FAM227B: variants seen among roughly 807,000 people sequenced by gnomAD.
FAM227B encodes the protein protein FAM227B.
Under a neutral mutation model 73.8 loss-of-function variants are expected in FAM227B, and 88 were observed. That is an observed-to-expected ratio of 1.19 (90% CI 1.00 to 1.42). The LOEUF is 1.42. Among genes scored for constraint, FAM227B ranks in the 40% most tolerant of loss-of-function variants. The pLI, the probability that FAM227B is intolerant of heterozygous loss-of-function variation, is 0.00. For missense variants in FAM227B, 632 were observed against 590.9 expected (o/e 1.07, Z -0.72); for synonymous variants, 210 against 190.5 (o/e 1.10, Z -0.84).
chr15:49,454,265 C>T (rs768831974), intron 11 of FAM227B, among the ~76,000 whole-genome samples: 7 of 152,110 alleles, frequency 4.6e-5, no homozygotes, highest in African/African-American at 9.7e-5. Flanking sequence ...CCAGAAGTTT[C>T]ATAGGGGGCA....
chr15:49,542,863 C>T (rs1344192729), intron 9 of FAM227B, among the ~76,000 whole-genome samples: 1 of 151,542 alleles, frequency 6.6e-6, no homozygotes, highest in Non-Finnish European at 1.5e-5. Context: ...ATAAACATTT[C>T]TTTTTGTATA....
At chr15:49,560,360 C>CA (rs896197952) in intron 9 of FAM227B, among the ~76,000 whole-genome samples, 1 of 151,836 alleles carries the variant, frequency 6.6e-6, no homozygotes, top group Non-Finnish European at 1.5e-5. Flanking sequence ...AACAAAGTAT[C>CA]AAAAAAATGG....
intron 11 of FAM227B, among the ~76,000 whole-genome samples, chr15:49,471,705 G>A (rs1274184408): frequency 1.3e-5 from 2 of 151,998 alleles, no homozygotes; most frequent in Non-Finnish European, 2.9e-5. Flanking sequence ...CATGCTTTAT[G>A]TAACAATAAT....
At chr15:49,370,427 G>A (rs2045731546) in intron 12 of FAM227B, among the ~76,000 whole-genome samples, 13 of 152,144 alleles carry the variant, frequency 8.5e-5, no homozygotes, top group Non-Finnish European at 1.5e-5. Flanking sequence ...TGCCCCAAAG[G>A]AAATGGAGTG....
intron 9 of FAM227B, among the ~76,000 whole-genome samples, chr15:49,557,245 CT>C (rs199762504): frequency 0.015 from 2,239 of 151,660 alleles, 22 homozygotes; most frequent in Middle Eastern, 0.037. Context: ...ATATATATGT[CT>C]TTTTTTTTCT....
At chr15:49,567,371 T>C (rs1422104226) in intron 9 of FAM227B, among the ~76,000 whole-genome samples, 1 of 152,106 alleles carries the variant, frequency 6.6e-6, no homozygotes. Flanking sequence ...CTTGCTGAGA[T>C]CACCCAGGTA....
At chr15:49,524,139 C>A (rs570621966) in intron 10 of FAM227B, among the ~76,000 whole-genome samples, 1 of 152,174 alleles carries the variant, frequency 6.6e-6, no homozygotes, top group Non-Finnish European at 1.5e-5. Flanking sequence ...TAATCCCCAA[C>A]AGAATGGGGA....
chr15:49,550,967 A>G (rs972962119), intron 9 of FAM227B, among the ~76,000 whole-genome samples: 120 of 152,286 alleles, frequency 7.9e-4, no homozygotes, highest in African/African-American at 2.7e-3. Context: ...CCGAGATCAC[A>G]CCACTGCACT....
chr15:49,578,149 C>T (rs569946738), intron 5 of FAM227B, among the ~76,000 whole-genome samples: 1 of 152,304 alleles, frequency 6.6e-6, no homozygotes, highest in African/African-American at 2.4e-5. Flanking sequence ...TTGATCAGAG[C>T]TGTCCTGCAT....
chr15:49,425,737 C>T (rs1451701937), intron 11 of FAM227B, among the ~76,000 whole-genome samples: 1 of 151,648 alleles, frequency 6.6e-6, no homozygotes. Flanking sequence ...AATGAGAAGA[C>T]CTTCTTTTTA....
At chr15:49,557,244 T>A (rs2073800632) in intron 9 of FAM227B, among the ~76,000 whole-genome samples, 1 of 152,026 alleles carries the variant, frequency 6.6e-6, no homozygotes. Context: ...AATATATATG[T>A]CTTTTTTTTT....
At chr15:49,612,464 G>T (rs2078004680) in intron 2 of FAM227B, among the ~76,000 whole-genome samples, 1 of 152,018 alleles carries the variant, frequency 6.6e-6, no homozygotes, top group South Asian at 2.1e-4. Flanking sequence ...GTGTATATGT[G>T]AATCATGGCT....
At chr15:49,548,694 A>G (rs1005282836) in intron 9 of FAM227B, among the ~76,000 whole-genome samples, 2 of 152,124 alleles carry the variant, frequency 1.3e-5, no homozygotes, top group Non-Finnish European at 2.9e-5. Context: ...TATGGCTTTG[A>G]TCTCATTACT....
intron 15 of FAM227B, chr15:49,330,703 C>T (rs1016502334): frequency 1.3e-5 from 2 of 150,802 alleles, no homozygotes; most frequent in Non-Finnish European, 2.9e-5. Flanking sequence ...TTAGGTATTT[C>T]TCTGTGCCCA....
intron 9 of FAM227B, among the ~76,000 whole-genome samples, chr15:49,548,119 G>A (rs1260596941): frequency 6.6e-6 from 1 of 152,066 alleles, no homozygotes; most frequent in Non-Finnish European, 1.5e-5. Context: ...AAAACTTTCA[G>A]TTTTTCCCCA....
intron 10 of FAM227B, among the ~76,000 whole-genome samples, chr15:49,509,292 T>C (rs1258336764): frequency 6.6e-6 from 1 of 152,118 alleles, no homozygotes; most frequent in Non-Finnish European, 1.5e-5. Context: ...CTCTAGGAAT[T>C]AACTAACCCT....
intron 11 of FAM227B, among the ~76,000 whole-genome samples, chr15:49,404,983 A>T (rs1338494822): frequency 6.6e-6 from 1 of 152,128 alleles, no homozygotes; most frequent in African/African-American, 2.4e-5. Context: ...CTTGTCTGAA[A>T]AGGATATTAT....
chr15:49,369,250 C>T (rs1051888067), intron 12 of FAM227B, among the ~76,000 whole-genome samples: 2 of 152,146 alleles, frequency 1.3e-5, no homozygotes, highest in Non-Finnish European at 2.9e-5. Flanking sequence ...AGCCACTGCA[C>T]CCGGCCTGGT....
chr15:49,598,990 T>G (rs1187606197), intron 3 of FAM227B, among the ~76,000 whole-genome samples: 2 of 152,052 alleles, frequency 1.3e-5, no homozygotes, highest in African/African-American at 4.8e-5. Context: ...TCCTCTTCTA[T>G]TTTTCAGAAG....
Sources: allele counts gnomAD v4.1 joint callset (sites outside exome capture counted in the v4.1 genomes callset), GRCh38; gene constraint gnomAD v4.1.1; transcripts MANE v1.5; gene names NCBI Gene and HGNC (gene_info 2026-07-23, HGNC 2026-07-21).